Variants in WDR25 observed in about 807,000 individuals in gnomAD.
The protein encoded by WDR25 is WD repeat-containing protein 25.
A neutral mutation model predicts 47.7 loss-of-function variants in WDR25; 35 were observed. The ratio of observed to expected loss-of-function variants is 0.73; its 90% CI spans 0.56 to 0.97. WDR25 has a LOEUF of 0.97. WDR25 is among the 50% of genes least tolerant of loss of function. The pLI is 0.00. For synonymous variants in WDR25, 248 were observed against 278.9 expected, an observed-to-expected ratio of 0.89 and a Z score of 1.10; for missense variants, 634 against 704.7, an observed-to-expected ratio of 0.90 and a Z score of 1.14.
At chr14:100,496,625 G>T (rs1900735105) in intron 4 of WDR25, among the ~76,000 whole-genome samples, 1 of 151,902 alleles carries the variant, frequency 6.6e-6, no homozygotes. Flanking sequence ...TTTCCTCTCA[G>T]CACTACTTCA....
chr14:100,519,834 GTATATATACTATATATGCTA>G (rs1270494930), intron 4 of WDR25, among the ~76,000 whole-genome samples: 7 of 128,922 alleles, frequency 5.4e-5, no homozygotes, highest in Non-Finnish European at 9.4e-5. Context: ...TGTATATATA[GTATATATACTATATATGCTA>G]TATATATACT....
At chr14:100,474,891 C>T (rs1178816189) in intron 3 of WDR25, among the ~76,000 whole-genome samples, 1 of 152,190 alleles carries the variant, frequency 6.6e-6, no homozygotes, top group African/African-American at 2.4e-5. Context: ...GCAAATCATA[C>T]ATCTTGTGAG....
Position 100,470,625 on chromosome 14 carries a change from C to T in WDR25, c.970+2457C>T, listed in dbSNP as rs78589998. ...GCAGAGGCCATTGCTGAGTTTGAAG[C>T]AGGCAAGAGTCAGGGCTTGGTCTGT... On this transcript the variant is annotated intron_variant, in intron 3 of 6. Coordinates refer to ENST00000402312, the MANE Select transcript of WDR25 (RefSeq NM_001161476.3). 6.6e-4 allele frequency among the ~76,000 whole-genome samples: 101 copies of T among 152,324 alleles called. 4 individuals are homozygous for T. The East Asian group carries it at 0.019, about 28-fold the overall frequency.
chr14:100,524,077 A>G (rs2029992981), intron 4 of WDR25, among the ~76,000 whole-genome samples: 1 of 152,052 alleles, frequency 6.6e-6, no homozygotes. Context: ...ATTCACTTTT[A>G]TGACACCCTA....
chr14:100,514,482 A>G (rs1901427303), intron 4 of WDR25, among the ~76,000 whole-genome samples: 1 of 151,616 alleles, frequency 6.6e-6, no homozygotes, highest in Non-Finnish European at 1.5e-5. Context: ...GGATTAATTT[A>G]GTATTTTTAT....
In WDR25 at chr14:100,452,545, C is replaced by T. The variant is rs73349432; in HGVS notation, c.823-15476C>T. ...AACCCAGCAGCTGGGTAGAGAAGAG[C>T]ACCTGGACAGAGGAGTAGCAGGTGC... is the stretch of plus-strand genomic sequence containing the variant. On this transcript the variant is annotated intron_variant, in intron 2 of 6. Coordinates refer to ENST00000402312, the MANE Select transcript of WDR25 (RefSeq NM_001161476.3). Among the ~76,000 whole-genome samples the T allele has an allele frequency of 4.9e-3, 750 of 152,284 alleles. 10 individuals are homozygous for T. The highest frequency in any genetic ancestry group is 0.017 in the African/African-American group (705 of 41,560).
intron 3 of WDR25, among the ~76,000 whole-genome samples, chr14:100,482,227 A>G (rs1366650020): frequency 6.6e-6 from 1 of 152,334 alleles, no homozygotes; most frequent in Non-Finnish European, 1.5e-5. Flanking sequence ...CAACCAGACT[A>G]CATTCAAATA....
intron 3 of WDR25, among the ~76,000 whole-genome samples, chr14:100,472,832 G>A (rs1455476665): frequency 2.6e-5 from 4 of 152,186 alleles, no homozygotes; most frequent in Non-Finnish European, 5.9e-5. Context: ...CAGCCTGCCC[G>A]GCCTGACCCT....
chr14:100,468,084 CGGGCCGCCCGGT>C lies in WDR25; in HGVS notation c.891_902del (p.Ala298_Ala301del). Reference sequence around the variant, plus strand: ...CTACTCCCTGCACACAGAGGCAGTGCGGGCCGCCCGGTGGGCTCCCTGTGGCCGGCGCATCCT... The same window carrying C: ...CTACTCCCTGCACACAGAGGCAGTGCGGGCTCCCTGTGGCCGGCGCATCCT... On this transcript the variant is annotated inframe_deletion, in exon 3 of 7. Coordinates refer to ENST00000402312, the MANE Select transcript of WDR25 (RefSeq NM_001161476.3). This position sits in a 1 kb window ranked among gnomAD's most constrained non-coding sequence, Gnocchi z 4.5. 1.2e-6 allele frequency: 2 copies of C among 1,613,424 alleles called. No individual in the cohort carries two copies. The highest frequency in any genetic ancestry group is 1.7e-6 in the Non-Finnish European group (2 of 1,180,026).
In WDR25 at chr14:100,529,053, C is replaced by T; in HGVS notation, c.1273-15C>T. 6.6e-7 allele frequency: 1 copy of T among 1,522,492 alleles called. No individual in the cohort carries two copies. The highest frequency in any genetic ancestry group is 2.3e-5 in the East Asian group (1 of 43,346). The allele number at this position is 1,522,492 out of a possible 1,614,324, so 94.3% of individuals were successfully genotyped here. The stretch of plus-strand genomic sequence containing the variant: ...GGTGTCTTCTCTGACCCATTTGTGG[C>T]TCTGCTGTTCTCAGGAGAGGTTCAC... On this transcript the variant is annotated splice_polypyrimidine_tract_variant and intron_variant, in intron 5 of 6. Transcript: ENST00000402312. This position sits in a 1 kb window ranked among gnomAD's most constrained non-coding sequence, Gnocchi z 5.1.
At position 100,381,215 on chromosome 14, in the gene WDR25, G is replaced by A. The variant is rs139361032; in HGVS notation, c.291G>A (p.Gln97=). The change falls in exon 2 of 7, where the codon CAG becomes CAA. Residue 97 remains glutamine (Q), a synonymous_variant. Coordinates refer to ENST00000402312, the MANE Select transcript of WDR25 (RefSeq NM_001161476.3). Reference sequence around the variant, plus strand: ...GATCTTGCCCCAGCCAGAGGCTACAGTGGCCCGGGAAGGAGCCTCAAGTCA... The same window carrying A: ...GATCTTGCCCCAGCCAGAGGCTACAATGGCCCGGGAAGGAGCCTCAAGTCA... ...DWGSCPSQRL[Q]WPGKEPQVTF... The A allele has an allele frequency of 7.4e-6, 12 of 1,613,876 alleles. No homozygotes were observed. Among genetic ancestry groups the A allele is most frequent in the South Asian group, 2.2e-5 (2 of 91,068 alleles).
At chr14:100,478,347 A>G (rs1318692178) in intron 3 of WDR25, among the ~76,000 whole-genome samples, 1 of 152,170 alleles carries the variant, frequency 6.6e-6, no homozygotes, top group Non-Finnish European at 1.5e-5. Flanking sequence ...AGGCCCCTCC[A>G]CTGGAAGTGA....
chr14:100,486,441 T>C (rs1465403769), intron 4 of WDR25, among the ~76,000 whole-genome samples: 1 of 152,220 alleles, frequency 6.6e-6, no homozygotes, highest in Non-Finnish European at 1.5e-5. Flanking sequence ...AAGGGATCTG[T>C]GCAGTATTTG....
At chr14:100,410,541 A>G (rs1039987727) in intron 2 of WDR25, among the ~76,000 whole-genome samples, 1 of 152,142 alleles carries the variant, frequency 6.6e-6, no homozygotes, top group Non-Finnish European at 1.5e-5. Context: ...CTGGGTGGGT[A>G]GGGGAGAAGA....
chr14:100,421,684 C>T lies in WDR25; in HGVS notation c.822+39938C>T, dbSNP rs1898031134. On this transcript the variant is annotated intron_variant, in intron 2 of 6. Transcript: ENST00000402312. ...CTAAAACCCTACTTCATTCCCTTTC[C>T]ATTAGTGGCCACTCCCCTGACGTTG... is the stretch of plus-strand genomic sequence containing the variant. Among the ~76,000 whole-genome samples the T allele has an allele frequency of 2.0e-5, 3 of 152,164 alleles. No homozygotes were observed. The South Asian group carries it at 6.2e-4, about 31-fold the overall frequency.
Position 100,484,854 on chromosome 14 carries a change from G to C in WDR25, c.1101+730G>C, listed in dbSNP as rs899410166. ...GGATGGTTGCAGGAGTTTCCCATCT[G>C]ATCTCTCACTTTCCCCCTTGCCCCT... On this transcript the variant is annotated intron_variant, in intron 4 of 6. Coordinates refer to ENST00000402312, the MANE Select transcript of WDR25 (RefSeq NM_001161476.3). Among the ~76,000 whole-genome samples, 9 of 152,148 alleles carry C rather than the reference G, an allele frequency of 5.9e-5. No individual in the cohort carries two copies. The South Asian group carries it at 1.5e-3, about 25-fold the overall frequency.
chr14:100,501,531 G>T (rs1900923551), intron 4 of WDR25, among the ~76,000 whole-genome samples: 1 of 152,196 alleles, frequency 6.6e-6, no homozygotes, highest in African/African-American at 2.4e-5. Context: ...ATCTCAGGCT[G>T]ATCAGAAGCT....
chr14:100,401,469 C>A (rs969147868), intron 2 of WDR25, among the ~76,000 whole-genome samples: 2 of 152,182 alleles, frequency 1.3e-5, no homozygotes, highest in African/African-American at 4.8e-5. Context: ...TGGCCCTGAG[C>A]ACCCTGCCCA....
chr14:100,465,348 A>G (rs181536843), intron 2 of WDR25, among the ~76,000 whole-genome samples: 16 of 152,190 alleles, frequency 1.1e-4, no homozygotes, highest in African/African-American at 3.6e-4. Flanking sequence ...TGTCCCCATT[A>G]AACAACTCCC....
Sources: allele counts gnomAD v4.1 joint callset (sites outside exome capture counted in the v4.1 genomes callset), GRCh38; gene constraint gnomAD v4.1.1; non-coding constraint Gnocchi (gnomAD v3.1); transcripts MANE v1.5; gene names NCBI Gene and HGNC (gene_info 2026-07-23, HGNC 2026-07-21).